The following CEP85L variants were observed in gnomAD, a reference collection of about 807,000 sequenced individuals.
CEP85L encodes centrosomal protein 85L, also known as centrosomal protein of 85 kDa-like.
CEP85L carries 60 observed loss-of-function variants against 100.3 expected under a neutral mutation model. That is an observed-to-expected ratio of 0.60 (90% CI 0.49 to 0.74). The LOEUF (loss-of-function observed/expected upper bound fraction) is 0.74, where lower values mean the gene tolerates loss of function less well. Ranked by LOEUF, CEP85L falls within the 30% of genes least tolerant of loss-of-function variation. CEP85L has a pLI of 0.00. For synonymous variants in CEP85L, 319 were observed against 322.7 expected (o/e 0.99, Z 0.12); for missense variants, 973 against 936.2 (o/e 1.04, Z -0.51).
At chr6:118,707,981 C>CGGT (rs1777654297) in intron 1 of CEP85L, among the ~76,000 whole-genome samples, 1 of 29,720 alleles carries the variant, frequency 3.4e-5, no homozygotes, top group Non-Finnish European at 7.6e-5. Flanking sequence ...GGGGGGGGGA[C>CGGT]GGGGGGGAAA....
intron 2 of CEP85L, among the ~76,000 whole-genome samples, chr6:118,577,939 A>G (rs375709371): frequency 1.3e-5 from 2 of 152,206 alleles, no homozygotes; most frequent in Non-Finnish European, 2.9e-5. Flanking sequence ...TTATAGAAAA[A>G]GCCTTCACCA....
intron 2 of CEP85L, among the ~76,000 whole-genome samples, chr6:118,594,835 GAC>G (rs1781378019): frequency 7.5e-6 from 1 of 133,372 alleles, no homozygotes; most frequent in Non-Finnish European, 1.5e-5. Flanking sequence ...CAGCCAGGGC[GAC>G]ACAGCGAGAT....
chr6:118,666,287 C>T (rs1038439014), intron 1 of CEP85L, among the ~76,000 whole-genome samples: 4 of 152,152 alleles, frequency 2.6e-5, no homozygotes, highest in African/African-American at 4.8e-5. Context: ...TTTTCCTAAA[C>T]TTAAGAGTCC....
At chr6:118,677,793 A>G (rs1414931260) in intron 1 of CEP85L, among the ~76,000 whole-genome samples, 2 of 152,198 alleles carry the variant, frequency 1.3e-5, no homozygotes, top group African/African-American at 4.8e-5. Context: ...CCCACCACCT[A>G]TAGTCAATCA....
At chr6:118,617,631 G>A (rs559266060) in intron 2 of CEP85L, among the ~76,000 whole-genome samples, 2 of 152,276 alleles carry the variant, frequency 1.3e-5, no homozygotes, top group South Asian at 2.1e-4. Flanking sequence ...AGCTAGCAGT[G>A]GCAACCCATT....
At chr6:118,539,426 T>C (rs957956982) in intron 3 of CEP85L, among the ~76,000 whole-genome samples, 6 of 152,212 alleles carry the variant, frequency 3.9e-5, no homozygotes, top group African/African-American at 1.2e-4. Context: ...TTTGTGTAAG[T>C]ACACTCTACG....
At chr6:118,652,662 A>G (rs751592954), upstream of CEP85L, 14 of 1,530,620 alleles carry the variant, frequency 9.1e-6, no homozygotes, top group Non-Finnish European at 1.2e-5. Context: ...AAATTCTTGG[A>G]AGTTAAATTA....
intron 2 of CEP85L, among the ~76,000 whole-genome samples, chr6:118,572,496 C>T (rs1345414350): frequency 5.9e-5 from 9 of 151,650 alleles, no homozygotes; most frequent in Admixed American, 1.3e-4. Flanking sequence ...CACTTGAACC[C>T]GGGAGGCAGA....
At chr6:118,637,419 C>T (rs73766593) in intron 1 of CEP85L, among the ~76,000 whole-genome samples, 2 of 151,760 alleles carry the variant, frequency 1.3e-5, no homozygotes, top group African/African-American at 4.8e-5. Flanking sequence ...TTGTCTAGGC[C>T]GGGCAAGGTG....
intron 10 of CEP85L, among the ~76,000 whole-genome samples, chr6:118,477,114 A>G (rs1430896968): frequency 6.6e-6 from 1 of 152,204 alleles, no homozygotes; most frequent in Non-Finnish European, 1.5e-5. Flanking sequence ...GAAAAAACCT[A>G]TAGGAGAAGC....
chr6:118,651,690 G>T (rs1775576670), upstream of CEP85L: 3 of 661,658 alleles, frequency 4.5e-6, no homozygotes, highest in Non-Finnish European at 5.5e-6. Flanking sequence ...GCGCGGGGCG[G>T]GGACTGCGGG....
intron 2 of CEP85L, among the ~76,000 whole-genome samples, chr6:118,608,403 G>A (rs759584056): frequency 4.6e-5 from 7 of 151,992 alleles, no homozygotes; most frequent in African/African-American, 1.5e-4. Flanking sequence ...GCTGAGGCAG[G>A]AGAATGGCAT....
chr6:118,495,089 G>A (rs1774832974), intron 5 of CEP85L, among the ~76,000 whole-genome samples: 1 of 151,274 alleles, frequency 6.6e-6, no homozygotes, highest in South Asian at 2.1e-4. Flanking sequence ...CTGAACTTGG[G>A]ATATGATGAC....
chr6:118,513,068 A>G (rs1457466988), intron 4 of CEP85L, among the ~76,000 whole-genome samples: 1 of 152,216 alleles, frequency 6.6e-6, no homozygotes, highest in Non-Finnish European at 1.5e-5. Context: ...ATGGTGATTA[A>G]AACATTAGAC....
chr6:118,517,069 T>C (rs1234782943), intron 4 of CEP85L, among the ~76,000 whole-genome samples: 2 of 152,190 alleles, frequency 1.3e-5, no homozygotes, highest in Non-Finnish European at 2.9e-5. Context: ...GTGTATGATG[T>C]TATTTCTGAG....
chr6:118,477,424 G>T (rs919778071), intron 10 of CEP85L, among the ~76,000 whole-genome samples: 1 of 152,070 alleles, frequency 6.6e-6, no homozygotes, highest in Non-Finnish European at 1.5e-5. Flanking sequence ...TAACAGATAA[G>T]TATTTATTTG....
chr6:118,573,133 G>A (rs1780009675), intron 2 of CEP85L, among the ~76,000 whole-genome samples: 1 of 152,154 alleles, frequency 6.6e-6, no homozygotes, highest in South Asian at 2.1e-4. Context: ...CTGCAGAGCA[G>A]GACTAAAGCT....
rs56084445 is a variant in CEP85L at position 118,605,719 on chromosome 6, G to T, written c.232+26734C>A. 4.6e-3 allele frequency among the ~76,000 whole-genome samples: 697 copies of T among 152,090 alleles called. 2 individuals carry two copies. The highest frequency in any genetic ancestry group is 0.017 in the Middle Eastern group (5 of 292). On this transcript the variant is annotated intron_variant, in intron 2 of 12. Transcript: ENST00000368491. ...TTAGGGCCTCTCATGTGTGCATTAA[G>T]AGTGGAAAGACAGCTGGGCACCATG...
Position 118,701,194 on chromosome 6 carries a change from A to G in CEP85L, c.-28+8842T>C, listed in dbSNP as rs1317543441. 2.6e-5 allele frequency among the ~76,000 whole-genome samples: 4 copies of G among 152,226 alleles called. No individual in the cohort carries two copies. In the East Asian group the frequency reaches 5.8e-4, roughly 22 times the overall value. ...TTATACACTGTTGGTTGGAAGGTAA[A>G]TTAGTTCAGCCACTGTGGAAAGGAG... On this transcript the variant is annotated intron_variant, in intron 1 of 13. Coordinates refer to the CEP85L transcript ENST00000368488.
Sources: allele counts gnomAD v4.1 joint callset (sites outside exome capture counted in the v4.1 genomes callset), GRCh38; gene constraint gnomAD v4.1.1; transcripts MANE v1.5; gene names NCBI Gene and HGNC (gene_info 2026-07-23, HGNC 2026-07-21).